BSPRY: variants seen among roughly 807,000 people sequenced by gnomAD.
The protein encoded by BSPRY is B-box and SPRY domain containing, also known as B box and SPRY domain-containing protein.
BSPRY carries 33 observed loss-of-function variants against 38.0 expected under a neutral mutation model. The observed-to-expected ratio is 0.87, with a 90% CI of 0.66 to 1.16. The LOEUF is 1.16. Ranked by LOEUF, BSPRY falls within the 50% of genes most tolerant of loss-of-function variation. The pLI, the probability that BSPRY is intolerant of heterozygous loss-of-function variation, is 0.00. For missense variants in BSPRY, 523 were observed against 533.2 expected, an observed-to-expected ratio of 0.98 and a Z score of 0.19; for synonymous variants, 224 against 228.5, an observed-to-expected ratio of 0.98 and a Z score of 0.18.
At chr9:113,359,179 A>G (rs1164899750) in intron 2 of BSPRY, among the ~76,000 whole-genome samples, 1 of 152,216 alleles carries the variant, frequency 6.6e-6, no homozygotes, top group African/African-American at 2.4e-5. Flanking sequence ...GGTAGGTACT[A>G]TTATTATCCT....
chr9:113,351,425 C>G (rs1235087347), intron 1 of BSPRY, among the ~76,000 whole-genome samples: 2 of 152,230 alleles, frequency 1.3e-5, no homozygotes, highest in Non-Finnish European at 2.9e-5. Context: ...CCTCTGGATT[C>G]CTGCCCTGTG....
chr9:113,352,286 T>G (rs1221263143), intron 1 of BSPRY, among the ~76,000 whole-genome samples: 1 of 152,194 alleles, frequency 6.6e-6, no homozygotes, highest in Non-Finnish European at 1.5e-5. Context: ...CATAGAGAAG[T>G]CAGACTTATG....
intron 4 of BSPRY, among the ~76,000 whole-genome samples, chr9:113,365,962 A>G (rs1294598924): frequency 6.6e-6 from 1 of 151,834 alleles, no homozygotes; most frequent in Non-Finnish European, 1.5e-5. Context: ...GTGTCACCAC[A>G]CCCAGCTAAT....
rs993169585 is a variant in BSPRY, at chr9:113,370,068, C to T, written c.1135C>T (p.His379Tyr). Reference protein sequence around the residue: ...EPASGTVLCAHHVSFPGPLFP... With the variant: ...EPASGTVLCAYHVSFPGPLFP... ...AGCCTCCGGCACAGTGCTCTGTGCC[C>T]ATCATGTGTCCTTCCCGGGGCCCCT... Residue 379 changes from histidine to tyrosine, a missense_variant, in exon 6 of 6, where the codon CAT (histidine) becomes TAT (tyrosine). By Grantham distance (83) the His-to-Tyr change is moderately conservative. Coordinates refer to ENST00000374183, the MANE Select transcript of BSPRY (RefSeq NM_017688.3). The surrounding 1 kb of genome is among the most constrained non-coding windows in gnomAD (Gnocchi z 4.8). 6.2e-7 allele frequency: 1 copy of T among 1,612,610 alleles called. No homozygotes were observed. Among genetic ancestry groups the T allele is most frequent in the Non-Finnish European group, 8.5e-7 (1 of 1,179,426 alleles).
intron 4 of BSPRY, among the ~76,000 whole-genome samples, chr9:113,368,038 C>T (rs1383253341): frequency 2.0e-5 from 3 of 152,010 alleles, no homozygotes; most frequent in African/African-American, 7.3e-5. Flanking sequence ...ATTATGTTGC[C>T]CATGCTGGTC....
chr9:113,352,478 G>GACACACACACAC (rs1833988417), intron 1 of BSPRY, among the ~76,000 whole-genome samples: 1 of 68,836 alleles, frequency 1.5e-5, no homozygotes. Flanking sequence ...GTTGGGGAGT[G>GACACACACACAC]AGACACACAC....
chr9:113,360,826 G>A, intron 3 of BSPRY, 89 bp downstream of exon 3: 1 of 1,130,642 alleles, frequency 8.8e-7, no homozygotes, highest in South Asian at 1.5e-5. Flanking sequence ...TATGAGGAGG[G>A]TGGAAATGAG....
chr9:113,361,118 T>G lies in BSPRY; in HGVS notation c.531+381T>G, dbSNP rs147743326. ...TAGGTAGGTTTAGCCATAATCCCCC[T>G]TACCCCCAATGTTTCCTCTTAGTAA... On this transcript the variant is annotated intron_variant, in intron 3 of 5. Transcript: ENST00000374183. Among the ~76,000 whole-genome samples, 16 of 152,204 alleles carry G rather than the reference T, an allele frequency of 1.1e-4. No homozygotes were observed. The East Asian group carries it at 3.1e-3, about 29-fold the overall frequency.
rs937473165 is a variant in BSPRY, at chr9:113,368,191, C to G, written c.558-68C>G. The G allele has an allele frequency of 2.5e-6, 4 of 1,579,130 alleles. No homozygotes were observed. The African/African-American group carries it at 5.4e-5, about 21-fold the overall frequency. ...GATTTTACTTCTGTTCTTCTCTTCA[C>G]CCCATATTGATCCAGATATATTTCC... is the stretch of plus-strand genomic sequence containing the variant. On this transcript the variant is annotated intron_variant, in intron 4 of 5. Coordinates refer to ENST00000374183, the MANE Select transcript of BSPRY (RefSeq NM_017688.3).
At chr9:113,360,400 A>G in intron 2 of BSPRY, 107 bp from the exon 3 acceptor site, 3 of 1,024,250 alleles carry the variant, frequency 2.9e-6, no homozygotes, top group Non-Finnish European at 4.4e-6. Context: ...CCCGTGGCAG[A>G]CATTGCTAAT....
rs1834149630 is a variant in BSPRY at position 113,361,348 on chromosome 9, C to T, written c.531+611C>T. On this transcript the variant is annotated intron_variant, in intron 3 of 5. Transcript: ENST00000374183. The stretch of plus-strand genomic sequence containing the variant: ...GAGGCAAGGGAATAAAACTATGTTT[C>T]TTTGGCACTGATAATAGTTTTCTTT... 2.0e-5 allele frequency among the ~76,000 whole-genome samples: 3 copies of T among 152,192 alleles called. No individual in the cohort carries two copies. In the South Asian group the frequency reaches 6.2e-4, roughly 31 times the overall value.
chr9:113,357,308 A>G (rs1031200478), intron 2 of BSPRY, among the ~76,000 whole-genome samples: 1 of 152,232 alleles, frequency 6.6e-6, no homozygotes, highest in Non-Finnish European at 1.5e-5. Context: ...CAATTAAAAT[A>G]CAGAACAGTT....
In BSPRY at chr9:113,370,138, G is replaced by A. The variant is rs367744857; in HGVS notation, c.1205G>A (p.Arg402His). ...GCCGATCAGACCATTTCTATCGTCC[G>A]CTGACCTCTGGCCACAGGAAGCCAG... ...AVADQTISIV[R>H] Residue 402 changes from arginine (R) to histidine (H), a missense_variant, in exon 6 of 6, where the codon CGC (arginine) becomes CAC (histidine). Transcript: ENST00000374183. This position sits in a 1 kb window ranked among gnomAD's most constrained non-coding sequence, Gnocchi z 4.8. 174 of 1,556,288 alleles carry A rather than the reference G, an allele frequency of 1.1e-4. No homozygotes were observed. The East Asian group carries it at 3.6e-3, about 32-fold the overall frequency.
intron 4 of BSPRY, among the ~76,000 whole-genome samples, chr9:113,364,773 C>T (rs1282864826): frequency 6.6e-6 from 1 of 152,086 alleles, no homozygotes; most frequent in Non-Finnish European, 1.5e-5. Context: ...GAAACAAAGA[C>T]ATTCCCTTAC....
At position 113,351,934 on chromosome 9, in the gene BSPRY, C is replaced by G. The variant is rs909765228; in HGVS notation, c.201+2154C>G. Among the ~76,000 whole-genome samples the G allele has an allele frequency of 2.0e-5, 3 of 152,108 alleles. No individual in the cohort carries two copies. The East Asian group carries it at 5.8e-4, about 29-fold the overall frequency. On this transcript the variant is annotated intron_variant, in intron 1 of 5. Transcript: ENST00000374183. ...AAGAGATTCTCCCACCTCAGCCTCC[C>G]GAGTAGCTGGGACTACAGGCGCATG...
chr9:113,355,881 G>T (rs1834049740), intron 2 of BSPRY, among the ~76,000 whole-genome samples: 1 of 152,040 alleles, frequency 6.6e-6, no homozygotes, highest in African/African-American at 2.4e-5. Flanking sequence ...CTCCCAAAGT[G>T]CTGGGATTAC....
Position 113,349,631 on chromosome 9 carries a change from C to A in BSPRY, c.52C>A (p.Pro18Thr). 8.3e-7 allele frequency: 1 copy of A among 1,211,862 alleles called. No homozygotes were observed. Among genetic ancestry groups the A allele is most frequent in the South Asian group, 3.6e-5 (1 of 27,814 alleles). The allele number at this position is 1,211,862 out of a possible 1,614,324, so 75.1% of individuals were successfully genotyped here. A position where few individuals can be genotyped will look rare whatever the true frequency, so the allele number is the denominator to read the frequency against. ...GCCGGGGTCCGGGTCCGGGCCCGGG[C>A]CGGGGCCACTCTGCCCCGAACACGG... is the stretch of plus-strand genomic sequence containing the variant. ...PGPGSGSGPG[P>T]GPLCPEHGQA... The change falls in exon 1 of 6, where the codon CCG (proline) becomes ACG (threonine). Residue 18 changes from proline to threonine, a missense_variant. Transcript: ENST00000374183.
At chr9:113,358,233 G>A (rs895205551) in intron 2 of BSPRY, among the ~76,000 whole-genome samples, 12 of 150,914 alleles carry the variant, frequency 8.0e-5, no homozygotes, top group Non-Finnish European at 1.5e-5. Flanking sequence ...GGGTGACAGA[G>A]CGAGACCCTG....
rs1394443067 is a variant in BSPRY, at chr9:113,370,955, C to T, written c.*813C>T. On this transcript the variant is annotated 3_prime_UTR_variant, in exon 6 of 6. Transcript: ENST00000374183. The surrounding 1 kb of genome is among the most constrained non-coding windows in gnomAD (Gnocchi z 4.8). ...CTGTCCCGGGGGACCGTGTCCTCCC[C>T]CATGTCCTGCCTAGGCCCTCAGAGG... The T allele has an allele frequency of 6.6e-6, 1 of 152,240 alleles. No individual in the cohort carries two copies. The highest frequency in any genetic ancestry group is 2.4e-5 in the African/African-American group (1 of 41,456). 9.4% of individuals were successfully genotyped at this position (152,240 alleles called of 1,614,324 possible).
Sources: allele counts gnomAD v4.1 joint callset (sites outside exome capture counted in the v4.1 genomes callset), GRCh38; gene constraint gnomAD v4.1.1; non-coding constraint Gnocchi (gnomAD v3.1); transcripts MANE v1.5; gene names NCBI Gene and HGNC (gene_info 2026-07-23, HGNC 2026-07-21).